SNX25: variants seen among roughly 807,000 people sequenced by gnomAD.
SNX25 encodes the protein sorting nexin 25.
In SNX25, 62 loss-of-function variants were observed where a neutral mutation model predicts 113.7. That is an observed-to-expected ratio of 0.55 (90% CI 0.44 to 0.67). The LOEUF (loss-of-function observed/expected upper bound fraction) is 0.67. SNX25 is among the 30% of genes least tolerant of loss of function. The pLI is 0.00. For missense variants in SNX25, 1,014 were observed against 1,161.0 expected (o/e 0.87, Z 1.84); for synonymous variants, 421 against 436.2 (o/e 0.97, Z 0.43).
rs569759429 is a variant in SNX25, at chr4:185,289,143, C to A, written c.1162+1061C>A. On this transcript the variant is annotated intron_variant, in intron 6 of 18. Transcript: ENST00000652585. ...TTCCTCAGCTCAGCCTGTAAGGAAGCCTGTGCAAATATGTCCATTCAGCAG... is the reference window on the plus strand; with the variant it reads ...TTCCTCAGCTCAGCCTGTAAGGAAGACTGTGCAAATATGTCCATTCAGCAG... Among the ~76,000 whole-genome samples, 5 of 152,254 alleles carry A rather than the reference C, an allele frequency of 3.3e-5. No homozygotes were observed. The South Asian group carries it at 1.0e-3, about 32-fold the overall frequency.
chr4:185,374,942 A>AT (rs1198328561), downstream of SNX25, among the ~76,000 whole-genome samples: 3 of 152,086 alleles, frequency 2.0e-5, no homozygotes, highest in Non-Finnish European at 4.4e-5. Context: ...TGTATCTAAT[A>AT]TACAAATCTT....
In SNX25 at chr4:185,323,609, T is replaced by A; in HGVS notation, c.1558T>A (p.Tyr520Asn). 1 of 1,613,558 alleles carries A rather than the reference T, an allele frequency of 6.2e-7. No individual in the cohort carries two copies. Among genetic ancestry groups the A allele is most frequent in the South Asian group, 1.1e-5 (1 of 91,028 alleles). ...SKEISVEKSL[Y>N]KEIQQCLVGN... ...AGAAATATCTGTGGAAAAATCACTT[T>A]ACAAAGAAATTCAGCAGTGTCTTGT... The change falls in exon 9 of 19, where the codon TAC (tyrosine) becomes AAC (asparagine). Residue 520 changes from tyrosine to asparagine, a missense_variant. Transcript: ENST00000652585.
At chr4:185,217,162 G>T (rs1738982990) in intron 1 of SNX25, among the ~76,000 whole-genome samples, 1 of 152,114 alleles carries the variant, frequency 6.6e-6, no homozygotes, top group South Asian at 2.1e-4. Context: ...CGAGTGCAGT[G>T]GCTCACGCCT....
At chr4:185,244,530 T>C (rs1744548369) in intron 1 of SNX25, among the ~76,000 whole-genome samples, 1 of 152,194 alleles carries the variant, frequency 6.6e-6, no homozygotes, top group African/African-American at 2.4e-5. Context: ...TTTTTTTTTC[T>C]GTGAACTAAA....
chr4:185,346,391 G>A (rs969667697), intron 12 of SNX25, 146 bp from the exon 13 acceptor site: 3 of 606,870 alleles, frequency 4.9e-6, no homozygotes, highest in African/African-American at 2.0e-5. Context: ...CCAATTCTTC[G>A]AGCCTCATTA....
intron 5 of SNX25, among the ~76,000 whole-genome samples, chr4:185,272,863 C>G (rs1461078355): frequency 2.0e-5 from 3 of 152,172 alleles, no homozygotes; most frequent in African/African-American, 7.2e-5. Context: ...ACTGACCTTC[C>G]TGAGAGACAT....
chr4:185,305,421 A>C (rs1424506999), intron 6 of SNX25, among the ~76,000 whole-genome samples: 2 of 152,154 alleles, frequency 1.3e-5, no homozygotes, highest in Non-Finnish European at 1.5e-5. Flanking sequence ...TTCTTTTTTT[A>C]TACCTGAAAA....
At chr4:185,251,598 C>CGTGTGT (rs71593618) in intron 2 of SNX25, among the ~76,000 whole-genome samples, 1,952 of 147,246 alleles carry the variant, frequency 0.013, 22 homozygotes, top group African/African-American at 0.03. Context: ...TATTCCATTG[C>CGTGTGT]GTGTGTGTGT....
intron 9 of SNX25, among the ~76,000 whole-genome samples, chr4:185,331,246 A>T (rs78008021): frequency 2.6e-5 from 4 of 152,200 alleles, no homozygotes; most frequent in African/African-American, 4.8e-5. Context: ...TGGGATAGCA[A>T]TGAAGCAGAA....
Position 185,259,068 on chromosome 4 carries a change from A to C in SNX25, c.731+4A>C. ...ACCTGAAAGCTGCCAATGCCAGGTAACTGTTCTAAGCAACTTACCCCCTTT... is the reference window on the plus strand; with the variant it reads ...ACCTGAAAGCTGCCAATGCCAGGTACCTGTTCTAAGCAACTTACCCCCTTT... On this transcript the variant is annotated splice_donor_region_variant and intron_variant, in intron 3 of 18. Coordinates refer to ENST00000652585, the MANE Select transcript of SNX25 (RefSeq NM_001378034.2). 6.2e-7 allele frequency: 1 copy of C among 1,613,768 alleles called. No homozygotes were observed. The highest frequency in any genetic ancestry group is 8.5e-7 in the Non-Finnish European group (1 of 1,179,700).
Position 185,232,836 on chromosome 4 carries a change from G to T in SNX25, c.430-14458G>T, listed in dbSNP as rs866135971. ...TGAACTTCAAAATTCTCTTAGATTG[G>T]TTGTATACTTGAGTAATTTATCTTC... is the stretch of plus-strand genomic sequence containing the variant. On this transcript the variant is annotated intron_variant, in intron 1 of 18. Transcript: ENST00000652585. This position sits in a 1 kb window ranked among gnomAD's most constrained non-coding sequence, Gnocchi z 4.4. Among the ~76,000 whole-genome samples, 1 of 152,132 alleles carries T rather than the reference G, an allele frequency of 6.6e-6. No homozygotes were observed. The highest frequency in any genetic ancestry group is 1.9e-4 in the East Asian group (1 of 5,182).
chr4:185,377,423 CAGG>C, the SNX25 span: 1 of 167,462 alleles, frequency 6.0e-6, no homozygotes, highest in Non-Finnish European at 1.3e-5. Flanking sequence ...GAGACTCAGG[CAGG>C]AGAATAGCTT....
In SNX25 at chr4:185,334,477, C is replaced by T. The variant is rs1349422181; in HGVS notation, c.1914+1718C>T. On this transcript the variant is annotated intron_variant, in intron 10 of 18. Transcript: ENST00000652585. This position sits in a 1 kb window ranked among gnomAD's most constrained non-coding sequence, Gnocchi z 4.2. ...ACTCCCATTTACTACATACAGAACTCGAAAGCCTGATAGTCTTCCCAGTGA... is the reference window on the plus strand; with the variant it reads ...ACTCCCATTTACTACATACAGAACTTGAAAGCCTGATAGTCTTCCCAGTGA... Among the ~76,000 whole-genome samples, 1 of 152,138 alleles carries T rather than the reference C, an allele frequency of 6.6e-6. No homozygotes were observed. Among genetic ancestry groups the T allele is most frequent in the Non-Finnish European group, 1.5e-5 (1 of 68,024 alleles).
chr4:185,269,047 C>G (rs1386778952), intron 5 of SNX25, among the ~76,000 whole-genome samples: 1 of 152,058 alleles, frequency 6.6e-6, no homozygotes, highest in African/African-American at 2.4e-5. Context: ...TTATTTCTGT[C>G]TGAGTCTAGA....
At position 185,264,473 on chromosome 4, in the gene SNX25, C is replaced by G. The variant is rs1191029820; in HGVS notation, c.767C>G (p.Ala256Gly). The G allele has an allele frequency of 3.4e-5, 55 of 1,613,616 alleles. No homozygotes were observed. Among genetic ancestry groups the G allele is most frequent in the Non-Finnish European group, 4.6e-5 (54 of 1,179,928 alleles). The change falls in exon 4 of 19, where the codon GCA becomes GGA. Residue 256 changes from alanine (A) to glycine (G), a missense_variant. Physicochemically the swap from Ala to Gly is moderately conservative, Grantham distance 60. Coordinates refer to ENST00000652585, the MANE Select transcript of SNX25 (RefSeq NM_001378034.2). ...EEQPRPFVLH[A>G]CLRNSDDEVR... ...CAGCCAAGACCTTTTGTGTTGCACG[C>G]ATGCTTGAGGAACTCAGATGATGAA...
chr4:185,353,301 C>T lies in SNX25; in HGVS notation c.2467-184C>T, dbSNP rs1561048664. 3.6e-5 allele frequency: 18 copies of T among 499,348 alleles called. 1 individual carries two copies. The South Asian group carries it at 6.6e-4, about 18-fold the overall frequency. The allele number at this position is 499,348 out of a possible 1,614,324, so 30.9% of individuals were successfully genotyped here. A position where few individuals can be genotyped will look rare whatever the true frequency, so the allele number is the denominator to read the frequency against. ...AGCTTATTTTAAGCCTTGAATAAGGCTCGAGAATCAAGCTTTTCTGAATCT... is the reference window on the plus strand; with the variant it reads ...AGCTTATTTTAAGCCTTGAATAAGGTTCGAGAATCAAGCTTTTCTGAATCT... On this transcript the variant is annotated intron_variant, in intron 14 of 18. Transcript: ENST00000652585.
intron 1 of SNX25, among the ~76,000 whole-genome samples, chr4:185,216,830 G>A (rs1415326786): frequency 6.6e-6 from 1 of 152,062 alleles, no homozygotes; most frequent in African/African-American, 2.4e-5. Flanking sequence ...CGACAAAAGT[G>A]TGTATTTGAA....
chr4:185,224,194 T>TA (rs1740465724), intron 1 of SNX25, among the ~76,000 whole-genome samples: 2 of 151,536 alleles, frequency 1.3e-5, no homozygotes, highest in African/African-American at 4.9e-5. Flanking sequence ...CTACTAGAAA[T>TA]ACAAAAAATT....
rs758092952 is a variant in SNX25, at chr4:185,277,720, C to CTT, written c.1092-10263_1092-10262dup. On this transcript the variant is annotated intron_variant, in intron 5 of 18. Transcript: ENST00000652585. ...ATGATGAGTTTTGAGTACTTATTAC[C>CTT]TTTTTTTTTTTTTTTTTTTTTTTTT... is the stretch of plus-strand genomic sequence containing the variant. 2.2e-3 allele frequency among the ~76,000 whole-genome samples: 138 copies of CTT among 63,504 alleles called. 36 individuals are homozygous for CTT. Among genetic ancestry groups the CTT allele is most frequent in the East Asian group, 3.5e-3 (5 of 1,434 alleles). The allele number at this position is 63,504 out of a possible 152,430, so 41.7% of individuals were successfully genotyped here. A position where few individuals can be genotyped will look rare whatever the true frequency, so the allele number is the denominator to read the frequency against.
Sources: gnomAD v4.1 joint callset for allele counts (sites outside exome capture counted in the v4.1 genomes callset) on GRCh38, gnomAD v4.1.1 for gene constraint, Gnocchi (gnomAD v3.1) non-coding constraint, MANE v1.5 for transcripts, NCBI Gene and HGNC (gene_info 2026-07-23, HGNC 2026-07-21) for gene names.